Variants in TOP6BL observed in about 807,000 individuals in gnomAD.
TOP6BL encodes TOP6B like initiator of meiotic double strand breaks, also known as type 2 DNA topoisomerase 6 subunit B-like.
the TOP6BL span, chr11:66,756,369 G>A: frequency 1.7e-6 from 2 of 1,178,376 alleles, no homozygotes; most frequent in African/African-American, 1.7e-5. Flanking sequence ...GTCTCACTCT[G>A]TTACCCAGGC....
chr11:66,779,842 G>A, the TOP6BL span, among the ~76,000 whole-genome samples: 1 of 152,204 alleles, frequency 6.6e-6, no homozygotes, highest in Admixed American at 6.5e-5. Flanking sequence ...AAAAAATGAT[G>A]AGTTCATGTC....
chr11:66,778,228 CTAGGATGAAATT>C, the TOP6BL span, among the ~76,000 whole-genome samples: 1 of 151,714 alleles, frequency 6.6e-6, no homozygotes, highest in East Asian at 1.9e-4. Flanking sequence ...GGACAAACTT[CTAGGATGAAATT>C]TAGGATGAAT....
At chr11:66,827,084 C>T in the TOP6BL span, among the ~76,000 whole-genome samples, 2 of 150,836 alleles carry the variant, frequency 1.3e-5, no homozygotes, top group Admixed American at 6.6e-5. Context: ...CAGGTTCAAG[C>T]GATTCTCCTG....
At chr11:66,828,536 A>G in the TOP6BL span, 5 of 572,304 alleles carry the variant, frequency 8.7e-6, no homozygotes, top group Admixed American at 2.9e-5. Flanking sequence ...AGGAATGACT[A>G]TCCCACTGGT....
the TOP6BL span, chr11:66,796,232 C>A: frequency 2.2e-6 from 3 of 1,341,570 alleles, no homozygotes; most frequent in Non-Finnish European, 3.2e-6. Flanking sequence ...TTCATTTGTG[C>A]TCTTGAGATT....
the TOP6BL span, among the ~76,000 whole-genome samples, chr11:66,781,373 C>G: frequency 1.3e-5 from 2 of 152,102 alleles, no homozygotes; most frequent in Non-Finnish European, 2.9e-5. Flanking sequence ...AATTATTTAA[C>G]TTTTCAGTTA....
chr11:66,822,691 G>A, the TOP6BL span: 2 of 1,500,954 alleles, frequency 1.3e-6, no homozygotes, highest in Non-Finnish European at 1.8e-6. Flanking sequence ...AGGAGATTGG[G>A]ATTGGGGATG....
the TOP6BL span, among the ~76,000 whole-genome samples, chr11:66,829,615 C>G: frequency 2.7e-5 from 4 of 149,892 alleles, no homozygotes; most frequent in Non-Finnish European, 5.9e-5. Context: ...GGGCTGGGAA[C>G]GATGGCTCAT....
At chr11:66,838,355 A>G in the TOP6BL span, 1 of 1,612,830 alleles carries the variant, frequency 6.2e-7, no homozygotes, top group South Asian at 1.1e-5. Flanking sequence ...TAGGACTTCT[A>G]ATTTTTTTAA....
chr11:66,750,489 A>T, the TOP6BL span, among the ~76,000 whole-genome samples: 1 of 152,118 alleles, frequency 6.6e-6, no homozygotes, highest in African/African-American at 2.4e-5. Context: ...CAGAGGTTGC[A>T]GTGAGCCAAG....
chr11:66,796,657 C>T, the TOP6BL span, among the ~76,000 whole-genome samples: 1 of 151,744 alleles, frequency 6.6e-6, no homozygotes, highest in African/African-American at 2.4e-5. Context: ...GTAGTGAGCT[C>T]CTGTAATCCC....
At chr11:66,775,440 G>T in the TOP6BL span, among the ~76,000 whole-genome samples, 2 of 152,168 alleles carry the variant, frequency 1.3e-5, no homozygotes, top group African/African-American at 4.8e-5. Context: ...TCTCCTGGGA[G>T]ATTTATATTT....
chr11:66,779,831 T>TA, the TOP6BL span, among the ~76,000 whole-genome samples: 1 of 152,102 alleles, frequency 6.6e-6, no homozygotes, highest in African/African-American at 2.4e-5. Flanking sequence ...TATGCAGCCA[T>TA]AAAAAATGAT....
chr11:66,786,739 A>G, the TOP6BL span, among the ~76,000 whole-genome samples: 3 of 152,330 alleles, frequency 2.0e-5, no homozygotes, highest in South Asian at 6.2e-4. Context: ...GGGTTGCCTT[A>G]GGTCAGAAAG....
At chr11:66,746,260 C>T in the TOP6BL span, among the ~76,000 whole-genome samples, 1 of 152,126 alleles carries the variant, frequency 6.6e-6, no homozygotes. Flanking sequence ...CTTGTGTTGC[C>T]TCCCTGTAAA....
the TOP6BL span, among the ~76,000 whole-genome samples, chr11:66,749,998 A>G: frequency 2.0e-5 from 3 of 152,166 alleles, no homozygotes; most frequent in Non-Finnish European, 4.4e-5. Context: ...TGAGATGATT[A>G]TTAACATTGA....
At chr11:66,748,112 C>T in the TOP6BL span, among the ~76,000 whole-genome samples, 5 of 152,112 alleles carry the variant, frequency 3.3e-5, no homozygotes, top group African/African-American at 9.7e-5. Context: ...ATGAATTTAT[C>T]TTCTGAATAA....
At chr11:66,842,597 A>T in the TOP6BL span, among the ~76,000 whole-genome samples, 4 of 152,116 alleles carry the variant, frequency 2.6e-5, no homozygotes, top group Non-Finnish European at 4.4e-5. Context: ...GAGCGGCCTG[A>T]GTCCCCCAAG....
chr11:66,744,908 G>C, the TOP6BL span: 2 of 1,265,700 alleles, frequency 1.6e-6, no homozygotes, highest in Non-Finnish European at 2.0e-6. Flanking sequence ...GACGGCCGTG[G>C]CCGTGTTCGA....
Sources: allele counts gnomAD v4.1 joint callset (sites outside exome capture counted in the v4.1 genomes callset), GRCh38; gene constraint gnomAD v4.1.1; transcripts MANE v1.5; gene names NCBI Gene and HGNC (gene_info 2026-07-23, HGNC 2026-07-21).